PAWR: variants seen among roughly 807,000 people sequenced by gnomAD.
PAWR encodes the protein pro-apoptotic WT1 regulator.
Under a neutral mutation model 32.0 loss-of-function variants are expected in PAWR, and 23 were observed. The observed-to-expected ratio is 0.72, with a 90% CI of 0.52 to 1.02. The LOEUF is 1.02. Among genes scored for constraint, PAWR ranks in the 50% least tolerant of loss-of-function variants. The pLI is 0.00. For synonymous variants in PAWR, 226 were observed against 187.1 expected (o/e 1.21, Z -1.70); for missense variants, 457 against 437.7 (o/e 1.04, Z -0.39).
At chr12:79,682,188 G>T (rs931309474) in intron 2 of PAWR, among the ~76,000 whole-genome samples, 1 of 152,060 alleles carries the variant, frequency 6.6e-6, no homozygotes, top group Non-Finnish European at 1.5e-5. Flanking sequence ...GTCTCACTTT[G>T]TCACCCAGGC....
At chr12:79,679,231 A>G (rs1350999200) in intron 2 of PAWR, among the ~76,000 whole-genome samples, 1 of 152,228 alleles carries the variant, frequency 6.6e-6, no homozygotes, top group Non-Finnish European at 1.5e-5. Flanking sequence ...CACAACAGGC[A>G]TTCATATGTT....
At chr12:79,639,992 C>T (rs551086585) in intron 2 of PAWR, among the ~76,000 whole-genome samples, 2 of 150,438 alleles carry the variant, frequency 1.3e-5, no homozygotes, top group East Asian at 1.9e-4. Flanking sequence ...GCAACCACCA[C>T]CTCCTGGGTT....
intron 2 of PAWR, chr12:79,632,292 TATACATATATATATAC>T (rs1166887142): frequency 0.016 from 896 of 55,822 alleles, 218 homozygotes; most frequent in South Asian, 0.022. Context: ...AATAGAAATA[TATACATATATATATAC>T]ATACATATAT....
Position 79,689,965 on chromosome 12 carries a change from C to A in PAWR, c.280G>T (p.Gly94Cys). Residue 94 changes from glycine to cysteine, a missense_variant, in exon 2 of 7, where the codon GGC (glycine) becomes TGC (cysteine). Physicochemically the swap from Gly to Cys is radical, Grantham distance 159. Coordinates refer to ENST00000328827, the MANE Select transcript of PAWR (RefSeq NM_002583.4). ...GCCGCCCGCGTCAGCATGGCGGAGCCGACCGCGCAGTTCACGCCCCCGGGA... is the reference window on the plus strand; with the variant it reads ...GCCGCCCGCGTCAGCATGGCGGAGCAGACCGCGCAGTTCACGCCCCCGGGA... ...PGPGGVNCAV[G>C]SAMLTRAAPG... 1.5e-6 allele frequency: 2 copies of A among 1,373,662 alleles called. No homozygotes were observed. Among genetic ancestry groups the A allele is most frequent in the Non-Finnish European group, 1.9e-6 (2 of 1,071,116 alleles). 85.1% of individuals were successfully genotyped at this position (1,373,662 alleles called of 1,614,324 possible).
chr12:79,690,533 C>G (rs935743715), intron 1 of PAWR, 142 bp from the exon 2 acceptor site: 15 of 365,566 alleles, frequency 4.1e-5, no homozygotes, highest in Non-Finnish European at 6.2e-5. Flanking sequence ...GGGTCCCCAC[C>G]CTGCAAAGTT....
chr12:79,629,240 TGTCAA>T (rs1159043052), intron 2 of PAWR, among the ~76,000 whole-genome samples: 5 of 152,164 alleles, frequency 3.3e-5, no homozygotes, highest in African/African-American at 1.2e-4. Context: ...AAATATATGC[TGTCAA>T]CAAGAAACAC....
chr12:79,593,732 T>TA (rs1266624354), intron 6 of PAWR, among the ~76,000 whole-genome samples: 1 of 147,820 alleles, frequency 6.8e-6, no homozygotes, highest in East Asian at 2.0e-4. Flanking sequence ...GACAGAGTCT[T>TA]ACTCTTGCTG....
intron 2 of PAWR, among the ~76,000 whole-genome samples, chr12:79,686,545 G>A (rs1878687707): frequency 2.0e-5 from 3 of 152,156 alleles, no homozygotes; most frequent in Non-Finnish European, 4.4e-5. Flanking sequence ...GTGGGGTGAA[G>A]GGACAAAGAG....
intron 2 of PAWR, among the ~76,000 whole-genome samples, chr12:79,651,241 T>C (rs1876829738): frequency 6.6e-6 from 1 of 152,214 alleles, no homozygotes; most frequent in Non-Finnish European, 1.5e-5. Flanking sequence ...TTCTTCACAC[T>C]TGAATTTTTA....
At chr12:79,662,169 G>A (rs1325358636) in intron 2 of PAWR, among the ~76,000 whole-genome samples, 1 of 140,794 alleles carries the variant, frequency 7.1e-6, no homozygotes. Flanking sequence ...ACAAGTTCAA[G>A]GCCAGCCTGG....
chr12:79,609,038 C>T (rs1874320692), intron 4 of PAWR, among the ~76,000 whole-genome samples: 2 of 152,066 alleles, frequency 1.3e-5, no homozygotes, highest in South Asian at 2.1e-4. Flanking sequence ...TACTGCACTC[C>T]AGCCTGGGTG....
chr12:79,630,683 A>C (rs1033180567), intron 2 of PAWR, among the ~76,000 whole-genome samples: 2 of 152,152 alleles, frequency 1.3e-5, no homozygotes, highest in African/African-American at 4.8e-5. Flanking sequence ...ATCAAGCAGG[A>C]GTATATAACC....
At chr12:79,647,843 C>A (rs904899937) in intron 2 of PAWR, among the ~76,000 whole-genome samples, 1 of 152,200 alleles carries the variant, frequency 6.6e-6, no homozygotes, top group African/African-American at 2.4e-5. Context: ...TCTAACACAG[C>A]GGTCCCCAAT....
chr12:79,592,738 G>A lies in PAWR; in HGVS notation c.937-45C>T, dbSNP rs369459216. On this transcript the variant is annotated intron_variant, in intron 6 of 6. Transcript: ENST00000328827. ...ACTTTAAAAATACTTAAAAATATTT[G>A]AGGAGAGATGAAAACACTTAATACA... The A allele has an allele frequency of 1.4e-4, 96 of 687,068 alleles. 1 individual carries two copies. Among genetic ancestry groups the A allele is most frequent in the Non-Finnish European group, 1.8e-5 (7 of 386,644 alleles). The allele number at this position is 687,068 out of a possible 1,614,324, so 42.6% of individuals were successfully genotyped here.
intron 2 of PAWR, among the ~76,000 whole-genome samples, chr12:79,674,880 A>G (rs1391954016): frequency 1.3e-5 from 2 of 152,260 alleles, no homozygotes; most frequent in Non-Finnish European, 2.9e-5. Flanking sequence ...ACCAGTCAGA[A>G]TGGCTACTAT....
chr12:79,611,031 G>A (rs1383092242), intron 4 of PAWR, among the ~76,000 whole-genome samples: 3 of 150,490 alleles, frequency 2.0e-5, no homozygotes, highest in Admixed American at 1.3e-4. Flanking sequence ...TCTTATTTGT[G>A]AGAAAAATTA....
Position 79,639,884 on chromosome 12 carries a change from T to TCCTATTCCTATTCCTATTCCTATTC in PAWR, c.517-18678_517-18677insGAATAGGAATAGGAATAGGAATAGG, listed in dbSNP as rs1403328612. Among the ~76,000 whole-genome samples, 9 of 77,702 alleles carry TCCTATTCCTATTCCTATTCCTATTC rather than the reference T, an allele frequency of 1.2e-4. 1 individual carries two copies. The highest frequency in any genetic ancestry group is 2.9e-4 in the African/African-American group (8 of 27,298). The allele number at this position is 77,702 out of a possible 152,430, so 51.0% of individuals were successfully genotyped here. ...TTCCTATTCCTATTCCTATTCCTAT[T>TCCTATTCCTATTCCTATTCCTATTC]CCATTCCATTCCATTCCATTCCATT... On this transcript the variant is annotated intron_variant, in intron 2 of 6. Transcript: ENST00000328827.
At chr12:79,679,366 C>T (rs748102424) in intron 2 of PAWR, among the ~76,000 whole-genome samples, 3 of 152,002 alleles carry the variant, frequency 2.0e-5, no homozygotes, top group South Asian at 2.1e-4. Context: ...CTGTCACATT[C>T]GGCAATTAAG....
intron 2 of PAWR, among the ~76,000 whole-genome samples, chr12:79,681,310 T>C (rs1192167463): frequency 6.6e-6 from 1 of 152,032 alleles, no homozygotes; most frequent in East Asian, 1.9e-4. Context: ...AACACATGCA[T>C]CCAACTGGAC....
Sources: gnomAD v4.1 joint callset for allele counts (sites outside exome capture counted in the v4.1 genomes callset) on GRCh38, gnomAD v4.1.1 for gene constraint, MANE v1.5 for transcripts, NCBI Gene and HGNC (gene_info 2026-07-23, HGNC 2026-07-21) for gene names.